Variants in OPRPN observed in about 807,000 individuals in gnomAD.
OPRPN encodes the protein opiorphin prepropeptide.
In OPRPN, 1 loss-of-function variant was observed where a neutral mutation model predicts 2.2. The ratio of observed to expected loss-of-function variants is 0.45; its 90% confidence interval spans 0.16 to 2.15. The LOEUF (loss-of-function observed/expected upper bound fraction) is 2.15. Ranked by LOEUF, OPRPN falls within the 30% of genes most tolerant of loss-of-function variation. OPRPN has a pLI of 0.28. For missense variants in OPRPN, 306 were observed against 297.3 expected, an observed-to-expected ratio of 1.03 and a Z score of -0.21; for synonymous variants, 126 against 111.5, an observed-to-expected ratio of 1.13 and a Z score of -0.82.
At chr4:70,399,532 A>T (rs1732928421) in intron 2 of OPRPN, 196 bp downstream of exon 2, 1 of 513,864 alleles carries the variant, frequency 1.9e-6, no homozygotes, top group Admixed American at 3.2e-5. Context: ...CTAAGCATGA[A>T]GGGACAGTGG....
chr4:70,409,874 CTCTT>C lies in OPRPN; in HGVS notation c.547_550del (p.Ser183GlnfsTer48). 1 of 1,613,700 alleles carries C rather than the reference CTCTT, an allele frequency of 6.2e-7. No homozygotes were observed. The highest frequency in any genetic ancestry group is 2.2e-5 in the East Asian group (1 of 44,864). ...CGATCAGCTCCTCAACAGTACCTAT[CTCTT>C]CAACACCAGAGCCTGCCACCTCCAT... On this transcript the variant is annotated frameshift_variant, in exon 3 of 3. Coordinates refer to ENST00000399575, the MANE Select transcript of OPRPN (RefSeq NM_021225.5). LOFTEE classifies it low-confidence loss of function (END_TRUNC).
intron 2 of OPRPN, among the ~76,000 whole-genome samples, chr4:70,408,236 G>A (rs1733134493): frequency 6.6e-6 from 1 of 152,162 alleles, no homozygotes; most frequent in Middle Eastern, 3.2e-3. Context: ...TGTTGTAGGG[G>A]AATGATTAGA....
At chr4:70,409,327 T>C (rs1733159631) in intron 2 of OPRPN, 53 bp from the exon 3 acceptor site, 10 of 1,430,062 alleles carry the variant, frequency 7.0e-6, no homozygotes, top group Non-Finnish European at 8.6e-6. Flanking sequence ...GTTTGAACTT[T>C]AAATGATCAA....
Position 70,399,270 on chromosome 4 carries a change from G to C in OPRPN, c.-15-1G>C. On this transcript the variant is annotated splice_acceptor_variant, in intron 1 of 2. Transcript: ENST00000399575. LOFTEE classifies it low-confidence loss of function (5UTR_SPLICE). ...GTGGATAATCTTTGGCCTGTTTGTA[G>C]GAGCAACTTTAAAGAATGAAATTAA... is the stretch of plus-strand genomic sequence containing the variant. The C allele has an allele frequency of 6.3e-7, 1 of 1,594,972 alleles. No homozygotes were observed. The highest frequency in any genetic ancestry group is 2.2e-5 in the East Asian group (1 of 44,694).
chr4:70,401,789 T>C (rs534747812), intron 2 of OPRPN, among the ~76,000 whole-genome samples: 17 of 152,032 alleles, frequency 1.1e-4, no homozygotes, highest in Non-Finnish European at 2.4e-4. Context: ...TATCTCATGG[T>C]GGACAAGGAT....
intron 2 of OPRPN, among the ~76,000 whole-genome samples, chr4:70,405,938 C>T (rs183379658): frequency 8.6e-5 from 13 of 151,854 alleles, no homozygotes; most frequent in Non-Finnish European, 1.8e-4. Context: ...TATGGTGGTG[C>T]ACTCCTGTGG....
chr4:70,406,402 T>C (rs1049365548), intron 2 of OPRPN, among the ~76,000 whole-genome samples: 1 of 152,130 alleles, frequency 6.6e-6, no homozygotes, highest in Non-Finnish European at 1.5e-5. Context: ...TTACTATCAC[T>C]GTGAAAAAAA....
chr4:70,408,658 T>A (rs1027287413), intron 2 of OPRPN, among the ~76,000 whole-genome samples: 1 of 152,174 alleles, frequency 6.6e-6, no homozygotes, highest in African/African-American at 2.4e-5. Flanking sequence ...GTAAGAACTA[T>A]TTCTAGAACC....
At chr4:70,406,858 A>G (rs1733100311) in intron 2 of OPRPN, among the ~76,000 whole-genome samples, 1 of 152,122 alleles carries the variant, frequency 6.6e-6, no homozygotes, top group Non-Finnish European at 1.5e-5. Flanking sequence ...TTATTCTTGC[A>G]TTGACTTCCT....
intron 2 of OPRPN, among the ~76,000 whole-genome samples, chr4:70,403,908 T>C (rs529214357): frequency 9.8e-5 from 15 of 152,300 alleles, no homozygotes; most frequent in Middle Eastern, 3.4e-3. Context: ...TGCAATTATC[T>C]ACTCTAAATC....
intron 2 of OPRPN, among the ~76,000 whole-genome samples, chr4:70,400,461 GATT>G (rs563996612): frequency 1.5e-3 from 223 of 152,016 alleles, no homozygotes; most frequent in Middle Eastern, 3.4e-3. Flanking sequence ...TGAAATAGAA[GATT>G]ATTATACTCC....
At chr4:70,399,782 A>G (rs1428612897) in intron 2 of OPRPN, among the ~76,000 whole-genome samples, 4 of 152,024 alleles carry the variant, frequency 2.6e-5, no homozygotes, top group Non-Finnish European at 5.9e-5. Context: ...TGATTGTACA[A>G]TAGTTTTTTA....
rs771183871 is a variant in OPRPN, at chr4:70,409,628, G to A, written c.300G>A (p.Pro100=). ...LESIRQPRLF[P]GYPNLHFPLR... ...CTATTAGACAACCTCGACTCTTTCC[G>A]GGTTATCCAAACCTACATTTCCCAC... Residue 100 remains proline (P), a synonymous_variant, in exon 3 of 3, where the codon CCG becomes CCA. Transcript: ENST00000399575. 3.7e-5 allele frequency: 59 copies of A among 1,613,634 alleles called. 2 individuals are homozygous for A. In the South Asian group the frequency reaches 4.0e-4, roughly 11 times the overall value.
At position 70,408,710 on chromosome 4, in the gene OPRPN, G is replaced by A. The variant is rs1331890055; in HGVS notation, c.52-670G>A. Among the ~76,000 whole-genome samples the A allele has an allele frequency of 3.3e-5, 5 of 152,296 alleles. No individual in the cohort carries two copies. The South Asian group carries it at 8.3e-4, about 25-fold the overall frequency. On this transcript the variant is annotated intron_variant, in intron 2 of 2. Coordinates refer to ENST00000399575, the MANE Select transcript of OPRPN (RefSeq NM_021225.5). ...AACAGGCAGAGATAACCATAAGCAAGTCACCCAGCTAGCATTTAACAATGG... is the reference window on the plus strand; with the variant it reads ...AACAGGCAGAGATAACCATAAGCAAATCACCCAGCTAGCATTTAACAATGG...
chr4:70,406,439 T>A (rs1733091111), intron 2 of OPRPN, among the ~76,000 whole-genome samples: 1 of 152,228 alleles, frequency 6.6e-6, no homozygotes, highest in Non-Finnish European at 1.5e-5. Flanking sequence ...TTGTCTCCAA[T>A]AAAAGATTTA....
In OPRPN at chr4:70,409,542, C is replaced by T; in HGVS notation, c.214C>T (p.Pro72Ser). ...SLPFVPGRVP[P>S]SSFSRFSQAV... ...TCCCTTTGTCCCAGGGCGAGTTCCA[C>T]CATCTTCTTTCTCTCGATTTAGCCA... Residue 72 changes from proline to serine, a missense_variant, in exon 3 of 3, where the codon CCA becomes TCA. Physicochemically the swap from Pro to Ser is moderately conservative, Grantham distance 74 (BLOSUM62 -1). Coordinates refer to ENST00000399575, the MANE Select transcript of OPRPN (RefSeq NM_021225.5). The T allele has an allele frequency of 2.0e-5, 32 of 1,613,964 alleles. No individual in the cohort carries two copies. The highest frequency in any genetic ancestry group is 2.7e-5 in the Non-Finnish European group (32 of 1,179,916).
rs1255008420 is a variant in OPRPN at position 70,410,091 on chromosome 4, T to C, written c.*16T>C. The C allele has an allele frequency of 2.0e-6, 3 of 1,511,220 alleles. No individual in the cohort carries two copies. Among genetic ancestry groups the C allele is most frequent in the Admixed American group, 2.1e-5 (1 of 47,238 alleles). 93.6% of individuals were successfully genotyped at this position (1,511,220 alleles called of 1,614,324 possible). A position where few individuals can be genotyped will look rare whatever the true frequency, so the allele number is the denominator to read the frequency against. On this transcript the variant is annotated 3_prime_UTR_variant, in exon 3 of 3. Coordinates refer to ENST00000399575, the MANE Select transcript of OPRPN (RefSeq NM_021225.5). ...TTTTGGTTGAACATGCAATAAATGATATTTTCCAAACTGCTCTGATATCTT... is the reference window on the plus strand; with the variant it reads ...TTTTGGTTGAACATGCAATAAATGACATTTTCCAAACTGCTCTGATATCTT...
chr4:70,400,069 G>A (rs1189953344), intron 2 of OPRPN, among the ~76,000 whole-genome samples: 2 of 151,902 alleles, frequency 1.3e-5, no homozygotes, highest in African/African-American at 4.8e-5. Flanking sequence ...AGCATGATAC[G>A]AATTTCAGAG....
Sources: allele counts gnomAD v4.1 joint callset (sites outside exome capture counted in the v4.1 genomes callset), GRCh38; gene constraint gnomAD v4.1.1; transcripts MANE v1.5; gene names NCBI Gene and HGNC (gene_info 2026-07-23, HGNC 2026-07-21).